The following SUPT5H variants were observed in gnomAD, a reference collection of about 807,000 sequenced individuals.
The protein encoded by SUPT5H is transcription elongation factor SPT5.
Under a neutral mutation model 142.5 loss-of-function variants are expected in SUPT5H, and 24 were observed. The observed-to-expected ratio is 0.17, with a 90% CI of 0.12 to 0.24. The LOEUF is 0.24. Ranked by LOEUF, SUPT5H falls within the 10% of genes least tolerant of loss-of-function variation. SUPT5H has a pLI of 1.00. For missense variants in SUPT5H, 893 were observed against 1,471.8 expected (o/e 0.61, Z 6.43); for synonymous variants, 546 against 553.0 (o/e 0.99, Z 0.18).
At chr19:39,465,673 C>T (rs1006343483) in intron 11 of SUPT5H, among the ~76,000 whole-genome samples, 3 of 152,166 alleles carry the variant, frequency 2.0e-5, no homozygotes, top group Non-Finnish European at 2.9e-5. Flanking sequence ...TGGCTGCCCA[C>T]AACAAAAAAT....
intron 10 of SUPT5H, 69 bp downstream of exon 10, chr19:39,460,029 T>C: frequency 3.9e-6 from 6 of 1,539,938 alleles, no homozygotes; most frequent in Admixed American, 1.7e-5. Context: ...CATTGTCAAC[T>C]TCAGGGGTAC....
At chr19:39,448,524 A>G (rs2078980632) in intron 2 of SUPT5H, among the ~76,000 whole-genome samples, 3 of 151,872 alleles carry the variant, frequency 2.0e-5, no homozygotes, top group Non-Finnish European at 4.4e-5. Context: ...TTGCACTGTT[A>G]CTAGTCTCAC....
chr19:39,469,000 C>G, intron 14 of SUPT5H, 79 bp from the exon 15 acceptor site: 1 of 1,565,524 alleles, frequency 6.4e-7, no homozygotes, highest in Non-Finnish European at 8.8e-7. Context: ...TCCCCTAGGA[C>G]CCACTCAGCC....
rs2079247352 is a variant in SUPT5H at position 39,466,946 on chromosome 19, CAGCGGGAGGGAG to C, written c.1037+202_1037+213del. 2 of 597,652 alleles carry C rather than the reference CAGCGGGAGGGAG, an allele frequency of 3.3e-6. No individual in the cohort carries two copies. The highest frequency in any genetic ancestry group is 3.7e-5 in the African/African-American group (2 of 53,798). The allele number at this position is 597,652 out of a possible 1,614,324, so 37.0% of individuals were successfully genotyped here. On this transcript the variant is annotated intron_variant, in intron 13 of 29. Transcript: ENST00000432763. This position sits in a 1 kb window ranked among gnomAD's most constrained non-coding sequence, Gnocchi z 4.3. ...CTATAAAGATTGATGAGGCTGGGCGCAGCGGGAGGGAGCACTTTGGAAGGCTAAGGCAGGAGG... is the reference window on the plus strand; with the variant it reads ...CTATAAAGATTGATGAGGCTGGGCGCCACTTTGGAAGGCTAAGGCAGGAGG...
rs544405364 is a variant in SUPT5H, at chr19:39,466,386, G to A, written c.877-94G>A. On this transcript the variant is annotated intron_variant, in intron 11 of 29. Coordinates refer to ENST00000432763, the MANE Select transcript of SUPT5H (RefSeq NM_001111020.3). The surrounding 1 kb of genome is among the most constrained non-coding windows in gnomAD (Gnocchi z 4.3). ...CCTGGTTTCTTCCCCACCATCCTGCGTCCCTTCTCCTTCCTAGCATCTCCT... is the reference window on the plus strand; with the variant it reads ...CCTGGTTTCTTCCCCACCATCCTGCATCCCTTCTCCTTCCTAGCATCTCCT... 3.0e-5 allele frequency: 36 copies of A among 1,190,426 alleles called. No individual in the cohort carries two copies. Among genetic ancestry groups the A allele is most frequent in the African/African-American group, 2.4e-4 (16 of 66,634 alleles). The allele number at this position is 1,190,426 out of a possible 1,614,324, so 73.7% of individuals were successfully genotyped here. A position where few individuals can be genotyped will look rare whatever the true frequency, so the allele number is the denominator to read the frequency against.
chr19:39,459,979 C>T lies in SUPT5H; in HGVS notation c.624+19C>T, dbSNP rs768296846. 9.3e-6 allele frequency: 15 copies of T among 1,613,598 alleles called. No individual in the cohort carries two copies. Among genetic ancestry groups the T allele is most frequent in the South Asian group, 5.5e-5 (5 of 91,054 alleles). On this transcript the variant is annotated intron_variant, in intron 10 of 29. Coordinates refer to ENST00000432763, the MANE Select transcript of SUPT5H (RefSeq NM_001111020.3). ...AGACACGGTAAGTCGGGTAGACAGG[C>T]GGCTTGGTGGGGAGACATGGCAACA...
At position 39,476,633 on chromosome 19, in the gene SUPT5H, T is replaced by G; in HGVS notation, c.*234T>G. On this transcript the variant is annotated 3_prime_UTR_variant, in exon 30 of 30. Coordinates refer to ENST00000432763, the MANE Select transcript of SUPT5H (RefSeq NM_001111020.3). ...TCCTCCCCACAGCTTGCTTTTGTTGTACCGTCTTTCAATAAAAAGAAGCTG... is the reference window on the plus strand; with the variant it reads ...TCCTCCCCACAGCTTGCTTTTGTTGGACCGTCTTTCAATAAAAAGAAGCTG... The G allele has an allele frequency of 1.8e-6, 1 of 564,642 alleles. No individual in the cohort carries two copies. 35.0% of individuals were successfully genotyped at this position (564,642 alleles called of 1,614,324 possible).
Position 39,474,212 on chromosome 19 carries a change from C to T in SUPT5H, c.2652-22C>T, listed in dbSNP as rs779093574. 4 of 1,613,852 alleles carry T rather than the reference C, an allele frequency of 2.5e-6. No individual in the cohort carries two copies. Among genetic ancestry groups the T allele is most frequent in the Non-Finnish European group, 3.4e-6 (4 of 1,179,944 alleles). On this transcript the variant is annotated intron_variant, in intron 26 of 29. Transcript: ENST00000432763. The surrounding 1 kb of genome is among the most constrained non-coding windows in gnomAD (Gnocchi z 6.5). ...TCCCCTCCCTCCTCCAACAAATGCC[C>T]CCTTCTCTCCTGTCTCTGCAGGTAC...
At chr19:39,450,259 GA>G (rs2079004285) in intron 2 of SUPT5H, among the ~76,000 whole-genome samples, 1 of 151,936 alleles carries the variant, frequency 6.6e-6, no homozygotes, top group African/African-American at 2.4e-5. Flanking sequence ...TATTTTCGTT[GA>G]AGTGTGAATG....
In SUPT5H at chr19:39,474,285, C is replaced by T. The variant is rs1275364579; in HGVS notation, c.2703C>T (p.Ser901=). ...SPYAAPSPQG[S]YQPSPSPQSY... ...ATGCTGCCCCCTCCCCACAAGGTTC[C>T]TACCAGCCCAGCCCCAGCCCCCAGA... Residue 901 remains serine (S), a synonymous_variant, in exon 27 of 30, where the codon TCC becomes TCT. Transcript: ENST00000432763. The surrounding 1 kb of genome is among the most constrained non-coding windows in gnomAD (Gnocchi z 6.5). 1 of 1,614,082 alleles carries T rather than the reference C, an allele frequency of 6.2e-7. No individual in the cohort carries two copies. Among genetic ancestry groups the T allele is most frequent in the Non-Finnish European group, 8.5e-7 (1 of 1,179,994 alleles).
Position 39,474,559 on chromosome 19 carries a change from T to C in SUPT5H, c.2865T>C (p.Pro955=). Residue 955 remains proline, a synonymous_variant, in exon 28 of 30, where the codon CCT becomes CCC. Coordinates refer to ENST00000432763, the MANE Select transcript of SUPT5H (RefSeq NM_001111020.3). This position sits in a 1 kb window ranked among gnomAD's most constrained non-coding sequence, Gnocchi z 6.5. ...PSPVGYSPMT[P]GAPSPGGYNP... ...CCGTTGGCTACAGTCCTATGACACC[T>C]GGAGCTCCCTCCCCTGGTGGCTACA... 1 of 1,614,224 alleles carries C rather than the reference T, an allele frequency of 6.2e-7. No individual in the cohort carries two copies. Among genetic ancestry groups the C allele is most frequent in the Non-Finnish European group, 8.5e-7 (1 of 1,180,036 alleles).
At chr19:39,464,005 C>T (rs1472376396) in intron 10 of SUPT5H, among the ~76,000 whole-genome samples, 3 of 136,074 alleles carry the variant, frequency 2.2e-5, no homozygotes, top group Non-Finnish European at 3.1e-5. Context: ...TTTTTTGAGA[C>T]GGAGTTTTGC....
chr19:39,474,709 C>T lies in SUPT5H; in HGVS notation c.3015C>T (p.Arg1005=), dbSNP rs2079377377. ...TGGTGGGACAGACAGGTGTCATCCG[C>T]AGTGTCACGGTACGTGGGGCCCAGG... ...TQVVGQTGVI[R]SVTGGMCSVY... is the part of the protein sequence containing the mutation. The change falls in exon 28 of 30, where the codon CGC becomes CGT. Residue 1005 remains arginine, a synonymous_variant. Transcript: ENST00000432763. The surrounding 1 kb of genome is among the most constrained non-coding windows in gnomAD (Gnocchi z 6.5). 2 of 1,611,668 alleles carry T rather than the reference C, an allele frequency of 1.2e-6. No individual in the cohort carries two copies. The highest frequency in any genetic ancestry group is 1.7e-6 in the Non-Finnish European group (2 of 1,178,948).
At chr19:39,468,594 G>A in intron 13 of SUPT5H, 162 bp from the exon 14 acceptor site, 1 of 627,486 alleles carries the variant, frequency 1.6e-6, no homozygotes, top group South Asian at 1.9e-5. Flanking sequence ...GGGCCTTTGG[G>A]GTTTGTGAGA....
chr19:39,446,279 T>C (rs915953646), intron 2 of SUPT5H, among the ~76,000 whole-genome samples: 6 of 152,158 alleles, frequency 3.9e-5, no homozygotes, highest in Non-Finnish European at 7.3e-5. Context: ...TTGTAGTGCC[T>C]ACTATGTACC....
intron 11 of SUPT5H, 33 bp downstream of exon 11, chr19:39,465,082 TC>T (rs754084531): frequency 8.1e-5 from 129 of 1,591,044 alleles, no homozygotes; most frequent in Non-Finnish European, 1.1e-4. Context: ...GGGGTCAGGG[TC>T]CCTCCATTCT....
rs4802030 is a variant in SUPT5H at position 39,466,390 on chromosome 19, C to T, written c.877-90C>T. On this transcript the variant is annotated intron_variant, in intron 11 of 29. Transcript: ENST00000432763. This position sits in a 1 kb window ranked among gnomAD's most constrained non-coding sequence, Gnocchi z 4.3. Reference sequence around the variant, plus strand: ...GTTTCTTCCCCACCATCCTGCGTCCCTTCTCCTTCCTAGCATCTCCTGACC... The same window carrying T: ...GTTTCTTCCCCACCATCCTGCGTCCTTTCTCCTTCCTAGCATCTCCTGACC... The T allele has an allele frequency of 0.38, 480,932 of 1,258,206 alleles. 95,224 individuals are homozygous for T. The highest frequency in any genetic ancestry group is 0.59 in the African/African-American group (40,041 of 67,892). 77.9% of individuals were successfully genotyped at this position (1,258,206 alleles called of 1,614,324 possible).
chr19:39,471,598 C>T lies in SUPT5H; in HGVS notation c.1825-7C>T, dbSNP rs376241558. 1.9e-5 allele frequency: 30 copies of T among 1,614,010 alleles called. No homozygotes were observed. In the African/African-American group the frequency reaches 2.0e-4, roughly 11 times the overall value. Reference sequence around the variant, plus strand: ...GTCAAGAGAGTGACCCTTCTCTCCCCGGCTAGGGCCGAGAAGGGGAGATTC... The same window carrying T: ...GTCAAGAGAGTGACCCTTCTCTCCCTGGCTAGGGCCGAGAAGGGGAGATTC... On this transcript the variant is annotated splice_polypyrimidine_tract_variant and splice_region_variant and intron_variant, in intron 19 of 29. Transcript: ENST00000432763.
chr19:39,448,079 A>C (rs1043195807), intron 2 of SUPT5H, among the ~76,000 whole-genome samples: 1 of 152,216 alleles, frequency 6.6e-6, no homozygotes, highest in African/African-American at 2.4e-5. Context: ...TGCCCTACTT[A>C]TACAGCTGGG....
Sources: gnomAD v4.1 joint callset for allele counts (sites outside exome capture counted in the v4.1 genomes callset) on GRCh38, gnomAD v4.1.1 for gene constraint, Gnocchi (gnomAD v3.1) non-coding constraint, MANE v1.5 for transcripts, NCBI Gene and HGNC (gene_info 2026-07-23, HGNC 2026-07-21) for gene names.